The following SYTL3 variants were observed in gnomAD, a reference collection of about 807,000 sequenced individuals.
SYTL3 encodes synaptotagmin like 3, also known as synaptotagmin-like protein 3.
Under a neutral mutation model 82.1 loss-of-function variants are expected in SYTL3, and 88 were observed. The ratio of observed to expected loss-of-function variants is 1.07; its 90% CI spans 0.90 to 1.28. The LOEUF (loss-of-function observed/expected upper bound fraction) is 1.28. Among genes scored for constraint, SYTL3 ranks in the 50% most tolerant of loss-of-function variants. SYTL3 has a pLI of 0.00. For synonymous variants in SYTL3, 311 were observed against 289.4 expected (o/e 1.07, Z -0.76); for missense variants, 831 against 757.6 (o/e 1.10, Z -1.14).
chr6:158,657,453 A>G (rs1018141879), intron 2 of SYTL3, among the ~76,000 whole-genome samples: 25 of 151,132 alleles, frequency 1.7e-4, no homozygotes, highest in Non-Finnish European at 3.2e-4. Flanking sequence ...AAAAGAGAGA[A>G]AAAGAAAAAA....
intron 6 of SYTL3, among the ~76,000 whole-genome samples, chr6:158,685,848 C>A (rs983794273): frequency 1.3e-5 from 2 of 152,048 alleles, no homozygotes; most frequent in African/African-American, 4.8e-5. Context: ...AAAACAAAAC[C>A]TTTTTGTTGG....
At chr6:158,729,636 A>G (rs1018050646) in intron 11 of SYTL3, among the ~76,000 whole-genome samples, 1 of 141,692 alleles carries the variant, frequency 7.1e-6, no homozygotes, top group Non-Finnish European at 1.5e-5. Context: ...GTGCGATCTC[A>G]GCTCACTGCA....
At chr6:158,681,784 C>T (rs746487504) in intron 5 of SYTL3, among the ~76,000 whole-genome samples, 4 of 152,220 alleles carry the variant, frequency 2.6e-5, no homozygotes, top group Non-Finnish European at 5.9e-5. Context: ...CTCAGGTAAC[C>T]CTGCTCTGTG....
At chr6:158,731,804 A>G (rs529856415) in intron 11 of SYTL3, among the ~76,000 whole-genome samples, 213 of 152,302 alleles carry the variant, frequency 1.4e-3, no homozygotes, top group African/African-American at 4.9e-3. Context: ...CGTGTTAGCC[A>G]GGATGATCTT....
intron 8 of SYTL3, among the ~76,000 whole-genome samples, chr6:158,712,781 CAG>C (rs1303743786): frequency 7.4e-6 from 1 of 134,950 alleles, no homozygotes; most frequent in Non-Finnish European, 1.6e-5. Flanking sequence ...TTTTTTGAGA[CAG>C]AGTCTCGCTC....
At chr6:158,702,393 G>T (rs560568238) in intron 6 of SYTL3, among the ~76,000 whole-genome samples, 1 of 149,970 alleles carries the variant, frequency 6.7e-6, no homozygotes, top group Non-Finnish European at 1.5e-5. Context: ...ACCCAGGCTG[G>T]TCTCAAACTC....
In SYTL3 at chr6:158,757,255, C is replaced by G; in HGVS notation, c.1182C>G (p.Val394=). 2 of 1,612,658 alleles carry G rather than the reference C, an allele frequency of 1.2e-6. No homozygotes were observed. The highest frequency in any genetic ancestry group is 1.7e-6 in the Non-Finnish European group (2 of 1,179,996). ...AGCTGGTGACCCGGCAGCTGCAGGT[C>G]TCGGTGTGGCATCTGGGCACGCTGG... ...PAQLVTRQLQ[V]SVWHLGTLAR... The change falls in exon 14 of 18, where the codon GTC becomes GTG. Residue 394 remains valine (V), a synonymous_variant. Coordinates refer to ENST00000611299, the MANE Select transcript of SYTL3 (RefSeq NM_001242394.2).
upstream of SYTL3, among the ~76,000 whole-genome samples, chr6:158,645,879 T>G (rs1787414453): frequency 6.6e-6 from 1 of 152,120 alleles, no homozygotes; most frequent in African/African-American, 2.4e-5. Context: ...GCTCAAAATC[T>G]CCTACAGAGA....
chr6:158,763,686 C>G lies in SYTL3; in HGVS notation c.1723+177C>G, dbSNP rs568976288. 2.0e-5 allele frequency among the ~76,000 whole-genome samples: 3 copies of G among 152,226 alleles called. No individual in the cohort carries two copies. In the East Asian group the frequency reaches 5.8e-4, roughly 29 times the overall value. ...CTCTACAGCTGAGCCATAATACAGC[C>G]AAGTATTTTGACAATTTAAATCAGA... On this transcript the variant is annotated intron_variant, in intron 17 of 17. Transcript: ENST00000611299.
chr6:158,716,544 C>T (rs1169939596), intron 9 of SYTL3, among the ~76,000 whole-genome samples: 1 of 152,108 alleles, frequency 6.6e-6, no homozygotes, highest in East Asian at 1.9e-4. Context: ...AGAAAGATCC[C>T]CCAGTGTTTC....
chr6:158,705,831 C>T (rs887359594), intron 6 of SYTL3, among the ~76,000 whole-genome samples: 8 of 152,078 alleles, frequency 5.3e-5, no homozygotes, highest in Middle Eastern at 3.2e-3. Context: ...CAGGAGCACC[C>T]TGTGGTATAT....
At chr6:158,721,246 C>A (rs547036655) in intron 10 of SYTL3, among the ~76,000 whole-genome samples, 1 of 152,150 alleles carries the variant, frequency 6.6e-6, no homozygotes, top group Non-Finnish European at 1.5e-5. Flanking sequence ...GACCAAGTCT[C>A]GCTGTCTTGC....
rs138825709 is a variant in SYTL3, at chr6:158,711,599, C to T, written c.517-2201C>T. 1.4e-3 allele frequency among the ~76,000 whole-genome samples: 220 copies of T among 152,162 alleles called. 1 individual carries two copies. Among genetic ancestry groups the T allele is most frequent in the South Asian group, 0.014 (69 of 4,822 alleles). ...ATCTCGCGGAAGAAAGAATGCAGGG[C>T]GAGTCCACAGAGTAAAGTGAAAGCA... On this transcript the variant is annotated intron_variant, in intron 8 of 17. Coordinates refer to ENST00000611299, the MANE Select transcript of SYTL3 (RefSeq NM_001242394.2).
intron 6 of SYTL3, among the ~76,000 whole-genome samples, chr6:158,702,353 T>G (rs1321779758): frequency 6.6e-6 from 1 of 150,800 alleles, no homozygotes; most frequent in Non-Finnish European, 1.5e-5. Context: ...AAAATTTTTT[T>G]TTTTTTATAG....
Position 158,745,663 on chromosome 6 carries a change from GTTGT to G in SYTL3, c.1034+8_1034+11del. The G allele has an allele frequency of 6.3e-7, 1 of 1,575,266 alleles. No individual in the cohort carries two copies. The highest frequency in any genetic ancestry group is 8.6e-7 in the Non-Finnish European group (1 of 1,164,532). ...AAAGAAGAAAAAGTGCAATCCGTAAGTTGTTTTTTTTAAGTTTAACATGAGACAT... is the reference window on the plus strand; with the variant it reads ...AAAGAAGAAAAAGTGCAATCCGTAAGTTTTTTTAAGTTTAACATGAGACAT... On this transcript the variant is annotated splice_donor_region_variant and intron_variant, in intron 12 of 17. Transcript: ENST00000611299.
At chr6:158,757,094 G>T (rs1789220479) in intron 13 of SYTL3, 117 bp from the exon 14 acceptor site, 6 of 1,031,346 alleles carry the variant, frequency 5.8e-6, no homozygotes, top group Non-Finnish European at 5.5e-6. Context: ...GCCTGTGGGA[G>T]GGAGGCCTGC....
In SYTL3 at chr6:158,732,954, G is replaced by GAA. The variant is rs35643386; in HGVS notation, c.855+7330_855+7331dup. Among the ~76,000 whole-genome samples, 182 of 134,536 alleles carry GAA rather than the reference G, an allele frequency of 1.4e-3. 1 individual carries two copies. Among genetic ancestry groups the GAA allele is most frequent in the Non-Finnish European group, 1.8e-3 (111 of 62,336 alleles). The allele number at this position is 134,536 out of a possible 152,430, so 88.3% of individuals were successfully genotyped here. A position where few individuals can be genotyped will look rare whatever the true frequency, so the allele number is the denominator to read the frequency against. The stretch of plus-strand genomic sequence containing the variant: ...AAAACATGTTTTAAAAGTTTAAAAA[G>GAA]AAAAAAAAAAAAAACACTGTAAAAT... On this transcript the variant is annotated intron_variant, in intron 11 of 17. Coordinates refer to ENST00000611299, the MANE Select transcript of SYTL3 (RefSeq NM_001242394.2).
At chr6:158,712,478 C>T (rs954359881) in intron 8 of SYTL3, among the ~76,000 whole-genome samples, 1 of 152,170 alleles carries the variant, frequency 6.6e-6, no homozygotes, top group African/African-American at 2.4e-5. Context: ...CATAGGCTCT[C>T]CTTAAGTCAT....
Position 158,762,137 on chromosome 6 carries a change from A to G in SYTL3, c.1476A>G (p.Leu492=), listed in dbSNP as rs758766208. 4.3e-6 allele frequency: 7 copies of G among 1,613,578 alleles called. No individual in the cohort carries two copies. The African/African-American group carries it at 9.4e-5, about 22-fold the overall frequency. ...TGGTAGTGCTAGGAGCCAAGAATTT[A>G]CCTGTGCGGCCAGATGGCACCTTGA... is the stretch of plus-strand genomic sequence containing the variant. The part of the protein sequence containing the change: ...LCLVVLGAKN[L]PVRPDGTLNS... Residue 492 remains leucine, a synonymous_variant, in exon 16 of 18, where the codon TTA becomes TTG. Coordinates refer to ENST00000611299, the MANE Select transcript of SYTL3 (RefSeq NM_001242394.2).
Sources: gnomAD v4.1 joint callset for allele counts (sites outside exome capture counted in the v4.1 genomes callset) on GRCh38, gnomAD v4.1.1 for gene constraint, MANE v1.5 for transcripts, NCBI Gene and HGNC (gene_info 2026-07-23, HGNC 2026-07-21) for gene names.